The following ERBB2 variants were observed in gnomAD, a reference collection of about 807,000 sequenced individuals.
The protein encoded by ERBB2 is receptor tyrosine-protein kinase erbB-2.
ERBB2 carries 61 observed loss-of-function variants against 149.0 expected under a neutral mutation model. The observed-to-expected ratio is 0.41, with a 90% CI of 0.33 to 0.51. The LOEUF is 0.51. ERBB2 is among the 20% of genes least tolerant of loss of function. The pLI is 0.25. For synonymous variants in ERBB2, 633 were observed against 678.8 expected (o/e 0.93, Z 1.05); for missense variants, 1,205 against 1,655.1 (o/e 0.73, Z 4.72).
At position 39,688,859 on chromosome 17, in the gene ERBB2, C is replaced by T. The variant is rs140148060; in HGVS notation, c.-277+59C>T. The T allele has an allele frequency of 1.8e-4, 28 of 152,490 alleles. 1 individual carries two copies. Among genetic ancestry groups the T allele is most frequent in the African/African-American group, 6.7e-4 (28 of 41,568 alleles). 9.4% of individuals were successfully genotyped at this position (152,490 alleles called of 1,614,324 possible). ...TTAATGAATGAACAGCATACATCAA[C>T]ATAAGAACTTGACAAATCCAGGGCT... is the stretch of plus-strand genomic sequence containing the variant. On this transcript the variant is annotated intron_variant, in intron 2 of 17. Coordinates refer to the ERBB2 transcript ENST00000578199.
chr17:39,694,226 AATATATATATATATATATAT>A (rs1417710622), upstream of ERBB2, among the ~76,000 whole-genome samples: 95 of 18,532 alleles, frequency 5.1e-3, 1 homozygote, highest in South Asian at 0.028. Flanking sequence ...AAAAAAAAAA[AATATATATATATATATATAT>A]ATATATATAT....
At chr17:39,694,285 ATATACACATATATATGTG>A (rs2057804604), upstream of ERBB2, among the ~76,000 whole-genome samples, 1 of 58,524 alleles carries the variant, frequency 1.7e-5, no homozygotes, top group African/African-American at 5.3e-5. Flanking sequence ...ATATATATAT[ATATACACATATATATGTG>A]TATATATATA....
chr17:39,724,076 T>C, intron 19 of ERBB2, 66 bp downstream of exon 19: 1 of 1,168,418 alleles, frequency 8.6e-7, no homozygotes, highest in Non-Finnish European at 1.2e-6. Flanking sequence ...GTCTGGGCTC[T>C]GGTCTCTCTT....
chr17:39,709,094 G>C, intron 3 of ERBB2: 1 of 581,986 alleles, frequency 1.7e-6, no homozygotes, highest in Non-Finnish European at 3.1e-6. Flanking sequence ...ATGAGCATCT[G>C]GACCTAGCAT....
Position 39,700,113 on chromosome 17 carries a change from C to T in ERBB2, c.-126C>T. On this transcript the variant is annotated 5_prime_UTR_variant, in exon 1 of 27. Transcript: ENST00000269571. ...CAGGGGAGCCCCCCGGGCAGCCGCGCGCCCCTTCCCACGGGGCCCTTTACT... is the reference window on the plus strand; with the variant it reads ...CAGGGGAGCCCCCCGGGCAGCCGCGTGCCCCTTCCCACGGGGCCCTTTACT... 1 of 1,288,498 alleles carries T rather than the reference C, an allele frequency of 7.8e-7. No homozygotes were observed. Among genetic ancestry groups the T allele is most frequent in the Admixed American group, 4.2e-5 (1 of 23,846 alleles). The allele number at this position is 1,288,498 out of a possible 1,614,324, so 79.8% of individuals were successfully genotyped here.
chr17:39,717,074 G>A (rs1005557596), intron 14 of ERBB2: 6 of 489,894 alleles, frequency 1.2e-5, no homozygotes, highest in South Asian at 3.6e-5. Flanking sequence ...TAGGTAATGC[G>A]TTTTCCTCTC....
rs375591649 is a variant in ERBB2 at position 39,700,079 on chromosome 17, C to T, written c.-160C>T. On this transcript the variant is annotated 5_prime_UTR_variant, in exon 1 of 27. Coordinates refer to ENST00000269571, the MANE Select transcript of ERBB2 (RefSeq NM_004448.4). ...AGCTGAGATTCCCCTCCATTGGGAC[C>T]GGAGAAACCAGGGGAGCCCCCCGGG... is the stretch of plus-strand genomic sequence containing the variant. The T allele has an allele frequency of 2.9e-4, 372 of 1,272,284 alleles. 1 individual carries two copies. The African/African-American group carries it at 4.5e-3, about 15-fold the overall frequency. The allele number at this position is 1,272,284 out of a possible 1,614,324, so 78.8% of individuals were successfully genotyped here.
chr17:39,715,019 C>T (rs899188432), intron 9 of ERBB2, among the ~76,000 whole-genome samples: 25 of 152,262 alleles, frequency 1.6e-4, no homozygotes, highest in East Asian at 9.6e-4. Context: ...CCGCCCGCCT[C>T]GGCCTCCCAA....
At chr17:39,712,530 A>ATAT in intron 9 of ERBB2, 82 bp downstream of exon 9, 1 of 1,518,970 alleles carries the variant, frequency 6.6e-7, no homozygotes, top group Admixed American at 1.9e-5. Flanking sequence ...TCTCTTGGGG[A>ATAT]TGGCAGGAGA....
intron 7 of ERBB2, 138 bp downstream of exon 7, chr17:39,710,619 T>A: frequency 9.5e-7 from 1 of 1,053,746 alleles, no homozygotes; most frequent in Non-Finnish European, 1.4e-6. Context: ...GCCTTGTTCT[T>A]TCAACAGCTG....
At chr17:39,692,467 G>T (rs187123502), upstream of ERBB2, among the ~76,000 whole-genome samples, 1 of 150,450 alleles carries the variant, frequency 6.6e-6, no homozygotes, top group African/African-American at 2.4e-5. Context: ...GTGCAATGGC[G>T]CGATCTTAGC....
At chr17:39,706,068 C>T (rs2058417613) in intron 1 of ERBB2, among the ~76,000 whole-genome samples, 1 of 152,216 alleles carries the variant, frequency 6.6e-6, no homozygotes, top group South Asian at 2.1e-4. Flanking sequence ...TTTACCTCCT[C>T]TAGTATTCCT....
At position 39,723,758 on chromosome 17, in the gene ERBB2, G is replaced by A; in HGVS notation, c.2208+98G>A. 6.5e-7 allele frequency: 1 copy of A among 1,532,756 alleles called. No homozygotes were observed. The allele number at this position is 1,532,756 out of a possible 1,614,324, so 94.9% of individuals were successfully genotyped here. Reference sequence around the variant, plus strand: ...CTGATGGGAGGGGCAAGAGCTGGAGGCAGTGTTTGGGGGAGGGCAGTTACA... The same window carrying A: ...CTGATGGGAGGGGCAAGAGCTGGAGACAGTGTTTGGGGGAGGGCAGTTACA... On this transcript the variant is annotated intron_variant, in intron 18 of 26. Transcript: ENST00000269571. This position sits in a 1 kb window ranked among gnomAD's most constrained non-coding sequence, Gnocchi z 6.2.
upstream of ERBB2, among the ~76,000 whole-genome samples, chr17:39,691,934 C>CATACAT (rs1555611743): frequency 5.6e-4 from 68 of 120,884 alleles, 1 homozygote; most frequent in Non-Finnish European, 7.0e-4. Context: ...TATACATATA[C>CATACAT]ATATATATAT....
chr17:39,703,325 G>C (rs552113555), intron 1 of ERBB2: 6 of 152,378 alleles, frequency 3.9e-5, no homozygotes, highest in African/African-American at 1.4e-4. Flanking sequence ...GATCTGGAAA[G>C]AGATTCCTTC....
chr17:39,711,803 T>A, intron 7 of ERBB2, 125 bp from the exon 8 acceptor site: 4 of 1,118,296 alleles, frequency 3.6e-6, no homozygotes, highest in Admixed American at 1.8e-5. Flanking sequence ...TGTCAGGTGC[T>A]GATGCGTGGT....
rs767240108 is a variant in ERBB2, at chr17:39,715,375, GC to G, written c.1222+17del. The G allele has an allele frequency of 4.3e-5, 70 of 1,613,904 alleles. No homozygotes were observed. In the South Asian group the frequency reaches 6.9e-4, roughly 16 times the overall value. On this transcript the variant is annotated intron_variant, in intron 10 of 26. Transcript: ENST00000269571. ...GAGATCACAGGTGGGCTCTGTCTCT[GC>G]ATCCTGTTCTGCAGGGGCTGGGAGT... is the stretch of plus-strand genomic sequence containing the variant.
upstream of ERBB2, among the ~76,000 whole-genome samples, chr17:39,697,783 C>T (rs954323275): frequency 6.6e-6 from 1 of 151,552 alleles, no homozygotes; most frequent in African/African-American, 2.4e-5. Flanking sequence ...AACCTCTGCC[C>T]TCTGAGTTCA....
chr17:39,698,405 A>G (rs1597848078), upstream of ERBB2, among the ~76,000 whole-genome samples: 1 of 151,920 alleles, frequency 6.6e-6, no homozygotes, highest in Non-Finnish European at 1.5e-5. Context: ...GACTACAGGC[A>G]CCCGCCACCA....
Sources: gnomAD v4.1 joint callset for allele counts (sites outside exome capture counted in the v4.1 genomes callset) on GRCh38, gnomAD v4.1.1 for gene constraint, Gnocchi (gnomAD v3.1) non-coding constraint, MANE v1.5 for transcripts, NCBI Gene and HGNC (gene_info 2026-07-23, HGNC 2026-07-21) for gene names.